Variants in KIAA0825 observed in about 807,000 individuals in gnomAD.
KIAA0825 encodes KIAA0825.
A neutral mutation model predicts 147.6 loss-of-function variants in KIAA0825; 119 were observed. That is an observed-to-expected ratio of 0.81 (90% CI 0.69 to 0.94). The LOEUF is 0.94. Ranked by LOEUF, KIAA0825 falls within the 40% of genes least tolerant of loss-of-function variation. The probability of loss-of-function intolerance (pLI) is 0.00; values close to 1 mark genes in which losing one functional copy is unlikely to be tolerated. For missense variants in KIAA0825, 1,381 were observed against 1,472.7 expected (o/e 0.94, Z 1.02); for synonymous variants, 470 against 518.1 (o/e 0.91, Z 1.26).
chr5:94,204,706 A>C (rs568164778), intron 20 of KIAA0825, among the ~76,000 whole-genome samples: 1 of 152,268 alleles, frequency 6.6e-6, no homozygotes, highest in East Asian at 1.9e-4. Context: ...TCAAAAATAT[A>C]CCTCATTTTT....
intron 20 of KIAA0825, among the ~76,000 whole-genome samples, chr5:94,369,880 T>C (rs1232340449): frequency 6.6e-6 from 1 of 152,048 alleles, no homozygotes; most frequent in Non-Finnish European, 1.5e-5. Context: ...GAAGCCATAG[T>C]TTCAGCATAA....
chr5:94,564,093 C>T (rs1029259653), intron 2 of KIAA0825, among the ~76,000 whole-genome samples: 29 of 152,082 alleles, frequency 1.9e-4, no homozygotes, highest in Non-Finnish European at 1.6e-4. Flanking sequence ...ACACTAGTTC[C>T]GCTTTCTTTC....
chr5:94,468,513 T>C (rs1760827960), intron 10 of KIAA0825, among the ~76,000 whole-genome samples: 1 of 152,212 alleles, frequency 6.6e-6, no homozygotes, highest in African/African-American at 2.4e-5. Context: ...TTTCTCCTTC[T>C]CATTCTGTTT....
chr5:94,361,606 G>A (rs1159862259), intron 20 of KIAA0825, among the ~76,000 whole-genome samples: 2 of 152,070 alleles, frequency 1.3e-5, no homozygotes, highest in South Asian at 2.1e-4. Flanking sequence ...TATTTCCAAC[G>A]AATGCATTAA....
chr5:94,471,485 T>C lies in KIAA0825; in HGVS notation c.1702A>G (p.Met568Val). The change falls in exon 9 of 21, where the codon ATG (methionine) becomes GTG (valine). Residue 568 changes from methionine to valine, a missense_variant. Met to Val is a conservative substitution (Grantham distance 21). Transcript: ENST00000682413. ...ACTCACTTTTTAGTCATTTCCTTCA[T>C]CAAATTATCATATCGCTTGAAATGC... Reference protein sequence around the residue: ...FQHFKRYDNLMKEMTKKPIFL... With the variant: ...FQHFKRYDNLVKEMTKKPIFL... 1 of 1,552,018 alleles carries C rather than the reference T, an allele frequency of 6.4e-7. No homozygotes were observed. The highest frequency in any genetic ancestry group is 1.2e-5 in the South Asian group (1 of 84,028).
intron 20 of KIAA0825, among the ~76,000 whole-genome samples, chr5:94,376,555 G>A (rs1747604388): frequency 6.6e-6 from 1 of 152,120 alleles, no homozygotes; most frequent in Admixed American, 6.5e-5. Context: ...CAAATTCTGA[G>A]GATCAGATTG....
intron 20 of KIAA0825, among the ~76,000 whole-genome samples, chr5:94,208,791 T>C (rs1391987609): frequency 1.3e-5 from 2 of 152,208 alleles, no homozygotes; most frequent in African/African-American, 4.8e-5. Flanking sequence ...GGAGCATAGC[T>C]TGTCCAAGAG....
At chr5:94,488,534 G>A (rs1763332586) in intron 5 of KIAA0825, among the ~76,000 whole-genome samples, 1 of 151,826 alleles carries the variant, frequency 6.6e-6, no homozygotes, top group East Asian at 1.9e-4. Context: ...TAAATAATGA[G>A]GAGATAGTTG....
rs538858589 is a variant in KIAA0825, at chr5:94,540,903, C to T, written c.-1-3776G>A. ...ACGTGAAATCAACCATGACCCCTAA[C>T]TATGCAAAGAAGGTTATGAAGAAAA... On this transcript the variant is annotated intron_variant, in intron 2 of 20. Coordinates refer to ENST00000682413, the MANE Select transcript of KIAA0825 (RefSeq NM_001145678.3). Among the ~76,000 whole-genome samples the T allele has an allele frequency of 1.1e-4, 16 of 152,204 alleles. No individual in the cohort carries two copies. The South Asian group carries it at 3.3e-3, about 32-fold the overall frequency.
At chr5:94,315,827 C>T (rs1779604724) in intron 20 of KIAA0825, among the ~76,000 whole-genome samples, 1 of 151,662 alleles carries the variant, frequency 6.6e-6, no homozygotes, top group South Asian at 2.1e-4. Context: ...TAGAAACAAA[C>T]CAAATTTTTC....
rs531182937 is a variant in KIAA0825, at chr5:94,233,034, A to T, written c.3711-78910T>A. On this transcript the variant is annotated intron_variant, in intron 20 of 20. Transcript: ENST00000682413. ...AGGAAATTATATTGTTTTAATTTTT[A>T]AAATTATACATTTTTTAGTACTGAA... is the stretch of plus-strand genomic sequence containing the variant. Among the ~76,000 whole-genome samples, 11 of 152,308 alleles carry T rather than the reference A, an allele frequency of 7.2e-5. No homozygotes were observed. The South Asian group carries it at 1.2e-3, about 17-fold the overall frequency.
chr5:94,290,918 A>G lies in KIAA0825; in HGVS notation c.3710+93450T>C, dbSNP rs193049332. 1.2e-4 allele frequency among the ~76,000 whole-genome samples: 19 copies of G among 152,270 alleles called. No homozygotes were observed. The East Asian group carries it at 2.7e-3, about 22-fold the overall frequency. On this transcript the variant is annotated intron_variant, in intron 20 of 20. Transcript: ENST00000682413. ...GCTTTTTTTCATATGTTTCTTGGCC[A>G]CATGAATGTCTTCTTTTGAAAAGTA...
chr5:94,557,691 G>T (rs560070224), intron 2 of KIAA0825, among the ~76,000 whole-genome samples: 1 of 152,144 alleles, frequency 6.6e-6, no homozygotes, highest in Non-Finnish European at 1.5e-5. Context: ...AGGAGGTAAA[G>T]AAATAGCCAA....
At chr5:94,233,277 T>C (rs1260323185) in intron 20 of KIAA0825, among the ~76,000 whole-genome samples, 1 of 152,340 alleles carries the variant, frequency 6.6e-6, no homozygotes, top group East Asian at 1.9e-4. Flanking sequence ...CAAATTGACA[T>C]GATTCCTAAA....
At chr5:94,351,872 C>T (rs930458078) in intron 20 of KIAA0825, among the ~76,000 whole-genome samples, 1 of 152,138 alleles carries the variant, frequency 6.6e-6, no homozygotes, top group African/African-American at 2.4e-5. Flanking sequence ...TGGCTAGCCA[C>T]ATGTAGGAGA....
At chr5:94,371,690 A>G (rs1053050513) in intron 20 of KIAA0825, among the ~76,000 whole-genome samples, 1 of 152,194 alleles carries the variant, frequency 6.6e-6, no homozygotes, top group Non-Finnish European at 1.5e-5. Context: ...TATGGAAACT[A>G]AAATTCAAGA....
At position 94,520,929 on chromosome 5, in the gene KIAA0825, A is replaced by G; in HGVS notation, c.301-12T>C. On this transcript the variant is annotated splice_polypyrimidine_tract_variant and intron_variant, in intron 4 of 20. Transcript: ENST00000682413. ...TTCAACAAATCTTGCTAATGAAATT[A>G]TAACATTAGAAATGTGATTAAGTGC... 3.3e-6 allele frequency: 5 copies of G among 1,537,968 alleles called. No individual in the cohort carries two copies. The highest frequency in any genetic ancestry group is 2.7e-6 in the Non-Finnish European group (3 of 1,131,314).
chr5:94,272,888 A>C (rs922706806), intron 20 of KIAA0825, among the ~76,000 whole-genome samples: 2 of 152,242 alleles, frequency 1.3e-5, no homozygotes, highest in Non-Finnish European at 2.9e-5. Context: ...CATAATTCAT[A>C]GGAAAAGGCC....
chr5:94,544,497 T>C (rs571876855), intron 2 of KIAA0825, among the ~76,000 whole-genome samples: 5 of 152,314 alleles, frequency 3.3e-5, no homozygotes, highest in African/African-American at 1.2e-4. Context: ...ACTTCCTCTT[T>C]TGCATGTTGT....
Sources: allele counts gnomAD v4.1 joint callset (sites outside exome capture counted in the v4.1 genomes callset), GRCh38; gene constraint gnomAD v4.1.1; transcripts MANE v1.5; gene names NCBI Gene and HGNC (gene_info 2026-07-23, HGNC 2026-07-21).